The following RAB14 variants were observed in gnomAD, a reference collection of about 807,000 sequenced individuals.
The protein encoded by RAB14 is RAB14, member RAS oncogene family.
In RAB14, 3 loss-of-function variants were observed where a neutral mutation model predicts 31.1. The observed-to-expected ratio is 0.10, with a 90% CI of 0.04 to 0.25. The LOEUF (loss-of-function observed/expected upper bound fraction) is 0.25, where lower values mean the gene tolerates loss of function less well. Ranked by LOEUF, RAB14 falls within the 10% of genes least tolerant of loss-of-function variation. The pLI is 1.00. For synonymous variants in RAB14, 85 were observed against 84.9 expected, an observed-to-expected ratio of 1.00 and a Z score of 0.00; for missense variants, 111 against 260.1, an observed-to-expected ratio of 0.43 and a Z score of 3.94.
At chr9:121,198,515 CATAA>C (rs1371267896) in intron 1 of RAB14, among the ~76,000 whole-genome samples, 2 of 152,206 alleles carry the variant, frequency 1.3e-5, no homozygotes, top group East Asian at 3.8e-4. Context: ...TGATCCAAGA[CATAA>C]CAAGGGAAAA....
intron 2 of RAB14, 36 bp downstream of exon 2, chr9:121,193,325 C>G: frequency 7.1e-7 from 1 of 1,410,704 alleles, no homozygotes; most frequent in South Asian, 1.2e-5. Context: ...TGTTAACCTT[C>G]TTTTGGGAAC....
intron 1 of RAB14, among the ~76,000 whole-genome samples, chr9:121,199,998 G>A (rs556382429): frequency 5.5e-4 from 84 of 152,194 alleles, no homozygotes; most frequent in Non-Finnish European, 1.1e-3. Context: ...CAAGCAATGT[G>A]CTAAGGGCTT....
intron 4 of RAB14, among the ~76,000 whole-genome samples, chr9:121,188,132 G>A (rs1432647724): frequency 6.6e-6 from 1 of 151,810 alleles, no homozygotes; most frequent in Non-Finnish European, 1.5e-5. Flanking sequence ...TGTCAAAAAA[G>A]TCATATATAT....
At chr9:121,181,872 C>G (rs895478859) in intron 7 of RAB14, among the ~76,000 whole-genome samples, 1 of 151,312 alleles carries the variant, frequency 6.6e-6, no homozygotes, top group Non-Finnish European at 1.5e-5. Flanking sequence ...TTCAGCCTCC[C>G]GAGTAGCTGG....
chr9:121,188,774 G>C (rs1012725264), intron 4 of RAB14, among the ~76,000 whole-genome samples: 1 of 151,806 alleles, frequency 6.6e-6, no homozygotes, highest in Non-Finnish European at 1.5e-5. Context: ...CTAAAGCCTC[G>C]GGTACTCTTT....
chr9:121,184,450 ACTGT>A (rs1210513143), intron 5 of RAB14, among the ~76,000 whole-genome samples: 2 of 152,166 alleles, frequency 1.3e-5, no homozygotes, highest in East Asian at 3.8e-4. Flanking sequence ...TTATGGATAA[ACTGT>A]CTTTGTACAT....
In RAB14 at chr9:121,180,357, A is replaced by T. The variant is rs1564317751; in HGVS notation, c.*1039T>A. The T allele has an allele frequency of 6.5e-6, 1 of 152,686 alleles. No homozygotes were observed. The highest frequency in any genetic ancestry group is 1.5e-5 in the Non-Finnish European group (1 of 68,052). 9.5% of individuals were successfully genotyped at this position (152,686 alleles called of 1,614,324 possible). ...TTTCTATACAGTAAGGCAAGAATGC[A>T]GCCTGTAATGCAAAAACGTTTACAA... is the stretch of plus-strand genomic sequence containing the variant. On this transcript the variant is annotated 3_prime_UTR_variant, in exon 8 of 8. Transcript: ENST00000373840.
intron 3 of RAB14, 44 bp from the exon 4 acceptor site, chr9:121,190,775 T>A: frequency 6.3e-7 from 1 of 1,587,448 alleles, no homozygotes; most frequent in Non-Finnish European, 8.6e-7. Context: ...TTCAGAAAAC[T>A]TCAAATTAAG....
Position 121,181,713 on chromosome 9 carries a change from C to A in RAB14, c.471-140G>T, listed in dbSNP as rs143240410. The A allele has an allele frequency of 1.5e-3, 702 of 467,872 alleles. 5 individuals are homozygous for A. The highest frequency in any genetic ancestry group is 0.012 in the African/African-American group (625 of 51,256). 29.0% of individuals were successfully genotyped at this position (467,872 alleles called of 1,614,324 possible). A position where few individuals can be genotyped will look rare whatever the true frequency, so the allele number is the denominator to read the frequency against. ...CATCTAATAAGAGATTACCAGAACA[C>A]TGAGCTAAGAGAACATGGAAAACTA... On this transcript the variant is annotated intron_variant, in intron 7 of 7. Coordinates refer to ENST00000373840, the MANE Select transcript of RAB14 (RefSeq NM_016322.4).
intron 2 of RAB14, 111 bp from the exon 3 acceptor site, chr9:121,192,335 A>C: frequency 1.5e-6 from 1 of 674,394 alleles, no homozygotes; most frequent in South Asian, 2.9e-5. Flanking sequence ...ACACTTAACA[A>C]ATTTTTATTT....
intron 1 of RAB14, among the ~76,000 whole-genome samples, chr9:121,194,129 C>CACACACACACACACAT (rs1402959041): frequency 6.8e-6 from 1 of 146,356 alleles, no homozygotes; most frequent in Non-Finnish European, 1.5e-5. Context: ...CACACACACA[C>CACACACACACACACAT]ATTTTTTGAA....
intron 1 of RAB14, among the ~76,000 whole-genome samples, chr9:121,201,164 C>T (rs182267965): frequency 6.6e-6 from 1 of 152,158 alleles, no homozygotes; most frequent in Non-Finnish European, 1.5e-5. Flanking sequence ...TGCCTTTGTA[C>T]TCAGAGCCAG....
At position 121,181,274 on chromosome 9, in the gene RAB14, A is replaced by G. The variant is rs1413640942; in HGVS notation, c.*122T>C. 2 of 1,074,830 alleles carry G rather than the reference A, an allele frequency of 1.9e-6. No homozygotes were observed. Among genetic ancestry groups the G allele is most frequent in the Middle Eastern group, 3.3e-4 (1 of 2,988 alleles). 66.6% of individuals were successfully genotyped at this position (1,074,830 alleles called of 1,614,324 possible). On this transcript the variant is annotated 3_prime_UTR_variant, in exon 8 of 8. Transcript: ENST00000373840. ...TTGTGTTAAACTGTTTTTACAACAG[A>G]GTTTTTTCTTTTTTTTTAATTAAAC... is the stretch of plus-strand genomic sequence containing the variant.
chr9:121,190,533 G>C, intron 4 of RAB14, 21 bp downstream of exon 4: 1 of 1,542,436 alleles, frequency 6.5e-7, no homozygotes, highest in South Asian at 1.3e-5. Flanking sequence ...CCCATATGAA[G>C]GTTGAAAAAT....
At chr9:121,192,661 C>T (rs1209284556) in intron 2 of RAB14, among the ~76,000 whole-genome samples, 1 of 151,980 alleles carries the variant, frequency 6.6e-6, no homozygotes, top group East Asian at 1.9e-4. Flanking sequence ...AGGTCCCTGT[C>T]TTATACTTCT....
rs1021999229 is a variant in RAB14, at chr9:121,179,742, T to A, written c.*1654A>T. The A allele has an allele frequency of 1.3e-5, 2 of 152,698 alleles. No homozygotes were observed. Among genetic ancestry groups the A allele is most frequent in the African/African-American group, 4.8e-5 (2 of 41,470 alleles). 9.5% of individuals were successfully genotyped at this position (152,698 alleles called of 1,614,324 possible). A position where few individuals can be genotyped will look rare whatever the true frequency, so the allele number is the denominator to read the frequency against. On this transcript the variant is annotated 3_prime_UTR_variant, in exon 8 of 8. Coordinates refer to ENST00000373840, the MANE Select transcript of RAB14 (RefSeq NM_016322.4). ...TCCAGTTTTGGCTTTTATTTAACAT[T>A]GACTATACAATACTCTGGTACTACC... is the stretch of plus-strand genomic sequence containing the variant.
Position 121,183,294 on chromosome 9 carries a change from GTC to G in RAB14, c.439+15_439+16del, listed in dbSNP as rs755296607. The G allele has an allele frequency of 2.1e-5, 33 of 1,577,796 alleles. No individual in the cohort carries two copies. Among genetic ancestry groups the G allele is most frequent in the Non-Finnish European group, 2.6e-5 (30 of 1,149,912 alleles). On this transcript the variant is annotated intron_variant, in intron 6 of 7. Transcript: ENST00000373840. ...AAATTCTCCCAATTGTGACCATTAA[GTC>G]TTAAAGAAACTCACCATTTTCTTCA...
chr9:121,188,296 C>A (rs1159307398), intron 4 of RAB14, among the ~76,000 whole-genome samples: 2 of 151,894 alleles, frequency 1.3e-5, no homozygotes, highest in East Asian at 1.9e-4. Context: ...CTACTTCATG[C>A]ATAAACCTTA....
At position 121,195,809 on chromosome 9, in the gene RAB14, C is replaced by T. The variant is rs571027447; in HGVS notation, c.-7-2390G>A. On this transcript the variant is annotated intron_variant, in intron 1 of 7. Coordinates refer to ENST00000373840, the MANE Select transcript of RAB14 (RefSeq NM_016322.4). ...AAACATTTAACACTGTAGCCACCAA[C>T]ACTCACAACAGGTCTTCCCTTTCTT... Among the ~76,000 whole-genome samples the T allele has an allele frequency of 7.2e-5, 11 of 152,238 alleles. No individual in the cohort carries two copies. The East Asian group carries it at 1.9e-3, about 27-fold the overall frequency.
Sources: gnomAD v4.1 joint callset for allele counts (sites outside exome capture counted in the v4.1 genomes callset) on GRCh38, gnomAD v4.1.1 for gene constraint, MANE v1.5 for transcripts, NCBI Gene and HGNC (gene_info 2026-07-23, HGNC 2026-07-21) for gene names.